EIF2B2: variants seen among roughly 807,000 people sequenced by gnomAD.
EIF2B2 encodes the protein eukaryotic translation initiation factor 2B subunit beta.
EIF2B2 carries 34 observed loss-of-function variants against 34.7 expected under a neutral mutation model. The observed-to-expected ratio is 0.98, with a 90% CI of 0.75 to 1.31. The LOEUF (loss-of-function observed/expected upper bound fraction) is 1.31, where lower values mean the gene tolerates loss of function less well. Among genes scored for constraint, EIF2B2 ranks in the 50% most tolerant of loss-of-function variants. The pLI, the probability that EIF2B2 is intolerant of heterozygous loss-of-function variation, is 0.00. For synonymous variants in EIF2B2, 155 were observed against 171.6 expected (o/e 0.90, Z 0.76); for missense variants, 361 against 447.7 (o/e 0.81, Z 1.75).
At position 75,006,510 on chromosome 14, in the gene EIF2B2, T is replaced by C; in HGVS notation, c.694-67T>C. ...TTCTGAGGTCTAAGCATTTAGCTTTTTGTGGCCAGTGGCCCTTTTAGGGCT... is the reference window on the plus strand; with the variant it reads ...TTCTGAGGTCTAAGCATTTAGCTTTCTGTGGCCAGTGGCCCTTTTAGGGCT... On this transcript the variant is annotated intron_variant, in intron 5 of 7. Transcript: ENST00000266126. The surrounding 1 kb of genome is among the most constrained non-coding windows in gnomAD (Gnocchi z 4.1). 2 of 1,605,134 alleles carry C rather than the reference T, an allele frequency of 1.2e-6. No individual in the cohort carries two copies. Among genetic ancestry groups the C allele is most frequent in the Non-Finnish European group, 1.7e-6 (2 of 1,179,090 alleles).
At chr14:75,008,631 T>A (rs2139257130) in intron 7 of EIF2B2, 2 of 337,668 alleles carry the variant, frequency 5.9e-6, no homozygotes, top group South Asian at 5.0e-5. Context: ...TTCAGCTGAG[T>A]CCTGAATGAA....
intron 7 of EIF2B2, 46 bp from the exon 8 acceptor site, chr14:75,008,985 A>G: frequency 6.2e-7 from 1 of 1,613,094 alleles, no homozygotes; most frequent in South Asian, 1.1e-5. Flanking sequence ...TAATTATGAG[A>G]GAGGGAGCCT....
rs777593305 is a variant in EIF2B2, at chr14:75,012,020, G to C, written c.*2832G>C. The C allele has an allele frequency of 7.9e-5, 12 of 152,164 alleles. No homozygotes were observed. Among genetic ancestry groups the C allele is most frequent in the Non-Finnish European group, 1.8e-4 (12 of 68,038 alleles). The allele number at this position is 152,164 out of a possible 1,614,324, so 9.4% of individuals were successfully genotyped here. A position where few individuals can be genotyped will look rare whatever the true frequency, so the allele number is the denominator to read the frequency against. On this transcript the variant is annotated 3_prime_UTR_variant, in exon 8 of 8. Coordinates refer to ENST00000266126, the MANE Select transcript of EIF2B2 (RefSeq NM_014239.4). ...TACAGTGCCTAGAACAGAACTGCAG[G>C]AATGCATACTTTTTAGAATCTTTAT...
rs104894428 is a variant in EIF2B2, at chr14:75,004,815, C to A, written c.512C>A (p.Ser171Tyr). ...SNEVIMTIGF[S>Y]RTVEAFLKEA... is the part of the protein sequence containing the mutation. ...GAGGTGATCATGACCATTGGCTTCTCCCGAACAGTAGAGGCCTTCCTCAAA... is the reference window on the plus strand; with the variant it reads ...GAGGTGATCATGACCATTGGCTTCTACCGAACAGTAGAGGCCTTCCTCAAA... Residue 171 changes from serine to tyrosine, a missense_variant, in exon 4 of 8, where the codon TCC becomes TAC. By Grantham distance (144) the Ser-to-Tyr change is moderately radical (BLOSUM62 -2). Coordinates refer to ENST00000266126, the MANE Select transcript of EIF2B2 (RefSeq NM_014239.4). 2 of 1,609,990 alleles carry A rather than the reference C, an allele frequency of 1.2e-6. No individual in the cohort carries two copies. The highest frequency in any genetic ancestry group is 8.5e-7 in the Non-Finnish European group (1 of 1,179,022).
At position 75,006,852 on chromosome 14, in the gene EIF2B2, G is replaced by T; in HGVS notation, c.831+138G>T. The T allele has an allele frequency of 7.7e-7, 1 of 1,295,578 alleles. No individual in the cohort carries two copies. The highest frequency in any genetic ancestry group is 1.1e-6 in the Non-Finnish European group (1 of 904,702). The allele number at this position is 1,295,578 out of a possible 1,614,324, so 80.3% of individuals were successfully genotyped here. ...TACTCAATGGATTACACCCAGTGGA[G>T]GCTGGAAAGAACCACAGAAGTCTTG... On this transcript the variant is annotated intron_variant, in intron 6 of 7. Transcript: ENST00000266126. This position sits in a 1 kb window ranked among gnomAD's most constrained non-coding sequence, Gnocchi z 4.1.
rs1889667606 is a variant in EIF2B2 at position 75,009,081 on chromosome 14, C to T, written c.949C>T (p.Pro317Ser). 2 of 1,614,110 alleles carry T rather than the reference C, an allele frequency of 1.2e-6. No homozygotes were observed. The highest frequency in any genetic ancestry group is 1.7e-6 in the Non-Finnish European group (2 of 1,180,008). ...GCATTGCCCTGTGTTTGACTACGTT[C>T]CCCCAGAGCTCATTACCCTCTTTAT... ...SVHCPVFDYV[P>S]PELITLFISN... The change falls in exon 8 of 8, where the codon CCC becomes TCC. Residue 317 changes from proline to serine, a missense_variant. Pro to Ser is a moderately conservative substitution (Grantham distance 74, BLOSUM62 -1). Transcript: ENST00000266126.
Position 75,011,904 on chromosome 14 carries a change from C to T in EIF2B2, c.*2716C>T, listed in dbSNP as rs748652704. The T allele has an allele frequency of 6.6e-6, 1 of 152,224 alleles. No homozygotes were observed. The highest frequency in any genetic ancestry group is 2.4e-5 in the African/African-American group (1 of 41,454). The allele number at this position is 152,224 out of a possible 1,614,324, so 9.4% of individuals were successfully genotyped here. On this transcript the variant is annotated 3_prime_UTR_variant, in exon 8 of 8. Coordinates refer to ENST00000266126, the MANE Select transcript of EIF2B2 (RefSeq NM_014239.4). ...ACTTGTCCTTTGTCCATCTTAGTCT[C>T]TGTGTCTAAAATTAGCACCAACATC...
At chr14:75,009,005 C>T in intron 7 of EIF2B2, 26 bp from the exon 8 acceptor site, 1 of 1,613,910 alleles carries the variant, frequency 6.2e-7, no homozygotes, top group Non-Finnish European at 8.5e-7. Context: ...TCAGTTTTAC[C>T]TTTAGCATGT....
At chr14:75,004,690 T>TATATAA (rs764926377) in intron 3 of EIF2B2, 47 bp from the exon 4 acceptor site, 1 of 89,914 alleles carries the variant, frequency 1.1e-5, no homozygotes, top group South Asian at 4.8e-4. Context: ...TATATATATA[T>TATATAA]TTTTTTTTTT....
intron 7 of EIF2B2, chr14:75,008,456 G>A (rs1413533149): frequency 5.1e-6 from 1 of 196,296 alleles, no homozygotes; most frequent in Non-Finnish European, 1.1e-5. Flanking sequence ...AGGCACTGAA[G>A]ATAAAACAAT....
intron 4 of EIF2B2, 61 bp from the exon 5 acceptor site, chr14:75,005,805 A>C: frequency 8.0e-7 from 1 of 1,254,270 alleles, no homozygotes; most frequent in Non-Finnish European, 1.2e-6. Context: ...GTTACATTTG[A>C]GAGCACTTTT....
Position 75,009,332 on chromosome 14 carries a change from C to A in EIF2B2, c.*144C>A. Reference sequence around the variant, plus strand: ...AAAAATCCTTGATACTGTTGCCTGCCTTTTTAGTCACCCCGTAACAAGGGC... The same window carrying A: ...AAAAATCCTTGATACTGTTGCCTGCATTTTTAGTCACCCCGTAACAAGGGC... On this transcript the variant is annotated 3_prime_UTR_variant, in exon 8 of 8. Transcript: ENST00000266126. 1 of 967,250 alleles carries A rather than the reference C, an allele frequency of 1.0e-6. No individual in the cohort carries two copies. Among genetic ancestry groups the A allele is most frequent in the Non-Finnish European group, 1.6e-6 (1 of 613,288 alleles). The allele number at this position is 967,250 out of a possible 1,614,324, so 59.9% of individuals were successfully genotyped here.
At position 75,011,414 on chromosome 14, in the gene EIF2B2, G is replaced by C. The variant is rs973724347; in HGVS notation, c.*2226G>C. On this transcript the variant is annotated 3_prime_UTR_variant, in exon 8 of 8. Transcript: ENST00000266126. The stretch of plus-strand genomic sequence containing the variant: ...GCAGGGCCTCTTGTGCAGTGTCTGT[G>C]TGGGTGGAGGGAGCACTAAGAATCT... 6.6e-6 allele frequency: 1 copy of C among 152,232 alleles called. No homozygotes were observed. Among genetic ancestry groups the C allele is most frequent in the Non-Finnish European group, 1.5e-5 (1 of 68,046 alleles). 9.4% of individuals were successfully genotyped at this position (152,232 alleles called of 1,614,324 possible). A position where few individuals can be genotyped will look rare whatever the true frequency, so the allele number is the denominator to read the frequency against.
In EIF2B2 at chr14:75,006,725, C is replaced by T; in HGVS notation, c.831+11C>T. The T allele has an allele frequency of 6.2e-7, 1 of 1,614,130 alleles. No homozygotes were observed. Reference sequence around the variant, plus strand: ...AAACTTTCTCCACAGGTAAGTGTGTCTGTCTCTAGCTAGAAGCCAGCAGAA... The same window carrying T: ...AAACTTTCTCCACAGGTAAGTGTGTTTGTCTCTAGCTAGAAGCCAGCAGAA... On this transcript the variant is annotated intron_variant, in intron 6 of 7. Transcript: ENST00000266126. This position sits in a 1 kb window ranked among gnomAD's most constrained non-coding sequence, Gnocchi z 4.1.
At position 75,009,346 on chromosome 14, in the gene EIF2B2, C is replaced by T. The variant is rs530228507; in HGVS notation, c.*158C>T. The T allele has an allele frequency of 1.8e-5, 15 of 816,370 alleles. No individual in the cohort carries two copies. Among genetic ancestry groups the T allele is most frequent in the Middle Eastern group, 2.9e-4 (1 of 3,436 alleles). The allele number at this position is 816,370 out of a possible 1,614,324, so 50.6% of individuals were successfully genotyped here. On this transcript the variant is annotated 3_prime_UTR_variant, in exon 8 of 8. Coordinates refer to ENST00000266126, the MANE Select transcript of EIF2B2 (RefSeq NM_014239.4). ...CTGTTGCCTGCCTTTTTAGTCACCCCGTAACAAGGGCACACATCCAGGACT... is the reference window on the plus strand; with the variant it reads ...CTGTTGCCTGCCTTTTTAGTCACCCTGTAACAAGGGCACACATCCAGGACT...
In EIF2B2 at chr14:75,003,646, C is replaced by T. The variant is rs150617429; in HGVS notation, c.380C>T (p.Ala127Val). Residue 127 changes from alanine to valine, a missense_variant, in exon 3 of 8, where the codon GCC becomes GTC. Coordinates refer to ENST00000266126, the MANE Select transcript of EIF2B2 (RefSeq NM_014239.4). Reference sequence around the variant, plus strand: ...AACGAGGATTTCAGCTTCCATTATGCCCAACTCCAGTCCAACATCATTGAG... The same window carrying T: ...AACGAGGATTTCAGCTTCCATTATGTCCAACTCCAGTCCAACATCATTGAG... The part of the protein sequence containing the change: ...GLNEDFSFHY[A>V]QLQSNIIEAI... 3,623 of 1,614,184 alleles carry T rather than the reference C, an allele frequency of 2.2e-3. 8 individuals carry two copies. Among genetic ancestry groups the T allele is most frequent in the Middle Eastern group, 3.6e-3 (22 of 6,062 alleles).
Position 75,004,748 on chromosome 14 carries a change from G to C in EIF2B2, c.445G>C (p.Glu149Gln). ...ELLVELEGTMENIAAQALEHI... is the reference protein window; with the variant it reads ...ELLVELEGTMQNIAAQALEHI... ...AACCGTTCTTACAGAAGGGACAATG[G>C]AGAACATTGCAGCCCAGGCTCTGGA... Residue 149 changes from glutamate (E) to glutamine (Q), a missense_variant, in exon 4 of 8, where the codon GAG becomes CAG. Coordinates refer to ENST00000266126, the MANE Select transcript of EIF2B2 (RefSeq NM_014239.4). The C allele has an allele frequency of 6.8e-7, 1 of 1,476,082 alleles. No homozygotes were observed. The allele number at this position is 1,476,082 out of a possible 1,614,324, so 91.4% of individuals were successfully genotyped here. A position where few individuals can be genotyped will look rare whatever the true frequency, so the allele number is the denominator to read the frequency against.
Position 75,006,748 on chromosome 14 carries a change from G to A in EIF2B2, c.831+34G>A, listed in dbSNP as rs756520913. 8 of 1,613,642 alleles carry A rather than the reference G, an allele frequency of 5.0e-6. No homozygotes were observed. The highest frequency in any genetic ancestry group is 3.3e-4 in the Middle Eastern group (2 of 6,062). On this transcript the variant is annotated intron_variant, in intron 6 of 7. Transcript: ENST00000266126. The surrounding 1 kb of genome is among the most constrained non-coding windows in gnomAD (Gnocchi z 4.1). Reference sequence around the variant, plus strand: ...GTCTGTCTCTAGCTAGAAGCCAGCAGAAAAGAAGGAAGCCAAAGGGTAGGC... The same window carrying A: ...GTCTGTCTCTAGCTAGAAGCCAGCAAAAAAGAAGGAAGCCAAAGGGTAGGC...
At chr14:75,005,396 G>A (rs1889612862) in intron 4 of EIF2B2, among the ~76,000 whole-genome samples, 5 of 152,022 alleles carry the variant, frequency 3.3e-5, no homozygotes, top group Middle Eastern at 3.4e-3. Flanking sequence ...AAAAAAGATG[G>A]CGAGCTGCTG....
Sources: allele counts gnomAD v4.1 joint callset (sites outside exome capture counted in the v4.1 genomes callset), GRCh38; gene constraint gnomAD v4.1.1; non-coding constraint Gnocchi (gnomAD v3.1); transcripts MANE v1.5; gene names NCBI Gene and HGNC (gene_info 2026-07-23, HGNC 2026-07-21).